MAZ: variants seen among roughly 807,000 people sequenced by gnomAD.
MAZ encodes the protein MYC associated zinc finger protein, also known as myc-associated zinc finger protein.
In MAZ, 4 loss-of-function variants were observed where a neutral mutation model predicts 32.7. That is an observed-to-expected ratio of 0.12 (90% CI 0.06 to 0.28). The LOEUF is 0.28. Ranked by LOEUF, MAZ falls within the 10% of genes least tolerant of loss-of-function variation. The probability of loss-of-function intolerance (pLI) is 1.00; values close to 1 mark genes in which losing one functional copy is unlikely to be tolerated. For missense variants in MAZ, 763 were observed against 667.2 expected (o/e 1.14, Z -1.58); for synonymous variants, 510 against 297.6 (o/e 1.71, Z -7.35).
chr16:29,806,804 CA>C lies in MAZ; in HGVS notation c.104del (p.Gln35ArgfsTer93). On this transcript the variant is annotated frameshift_variant, in exon 1 of 5. Transcript: ENST00000322945. LOFTEE classifies it high-confidence loss of function. ...GGLMNSFPPP[Q>X]GHAQNPLQVG... Reference sequence around the variant, plus strand: ...CCTCATGAACTCCTTCCCGCCACCTCAGGGTCACGCCCAGAACCCCCTGCAG... The same window carrying C: ...CCTCATGAACTCCTTCCCGCCACCTCGGGTCACGCCCAGAACCCCCTGCAG... The C allele has an allele frequency of 7.0e-7, 1 of 1,438,648 alleles. No homozygotes were observed. Among genetic ancestry groups the C allele is most frequent in the Non-Finnish European group, 9.2e-7 (1 of 1,089,466 alleles). The allele number at this position is 1,438,648 out of a possible 1,614,324, so 89.1% of individuals were successfully genotyped here. A position where few individuals can be genotyped will look rare whatever the true frequency, so the allele number is the denominator to read the frequency against.
intron 2 of MAZ, 158 bp downstream of exon 2, chr16:29,807,986 G>A (rs770771376): frequency 1.8e-5 from 24 of 1,356,856 alleles, no homozygotes; most frequent in Middle Eastern, 4.0e-4. Context: ...GGTTACCAGG[G>A]AGCAAGGGGT....
In MAZ at chr16:29,808,686, C is replaced by G. The variant is rs201080187; in HGVS notation, c.1224C>G (p.Asp408Glu). 2.9e-5 allele frequency: 46 copies of G among 1,614,020 alleles called. 1 individual carries two copies. The highest frequency in any genetic ancestry group is 2.5e-6 in the Non-Finnish European group (3 of 1,180,012). The change falls in exon 4 of 5, where the codon GAC becomes GAG. Residue 408 changes from aspartate (D) to glutamate (E), a missense_variant. Transcript: ENST00000322945. ...TGCTGAGCTCGGCTTATATTTCGGA[C>G]CACATGAAGGTGCACAGCCAGGGTC... ...GKMLSSAYIS[D>E]HMKVHSQGPH...
intron 4 of MAZ, chr16:29,809,695 GC>G (rs34942081): frequency 3.7e-5 from 55 of 1,506,152 alleles, no homozygotes; most frequent in Admixed American, 8.6e-5. Flanking sequence ...GGGGGGGGCC[GC>G]CCCCCCTGTC....
At chr16:29,806,210 CCCTGCCCACACCCCCT>C (rs1208891361), upstream of MAZ, 3 of 377,618 alleles carry the variant, frequency 7.9e-6, no homozygotes, top group South Asian at 2.5e-5. Flanking sequence ...GCCCCCACCC[CCCTGCCCACACCCCCT>C]CCTGCCCGCC....
rs150303738 is a variant in MAZ, at chr16:29,807,852, C to T, written c.1043+24C>T. On this transcript the variant is annotated intron_variant, in intron 2 of 4. Transcript: ENST00000322945. The stretch of plus-strand genomic sequence containing the variant: ...CGGTGTGCACGGGGCCTCGGCCGCC[C>T]GCTAGGCCGTGGGGAGGGAGGGACG... The T allele has an allele frequency of 5.6e-6, 9 of 1,593,758 alleles. No homozygotes were observed. The African/African-American group carries it at 1.1e-4, about 19-fold the overall frequency.
At chr16:29,809,463 C>T (rs1378836113) in intron 4 of MAZ, 3 of 917,904 alleles carry the variant, frequency 3.3e-6, no homozygotes, top group African/African-American at 3.3e-5. Context: ...AGGGCATCCC[C>T]CGCCTAGGAG....
At position 29,807,738 on chromosome 16, in the gene MAZ, G is replaced by C; in HGVS notation, c.953G>C (p.Arg318Pro). The part of the protein sequence containing the change: ...QCPVCQQRFK[R>P]KDRMSYHVRS... ...CCGGTGTGCCAGCAGCGCTTCAAGC[G>C]CAAGGACCGCATGAGCTACCACGTG... Residue 318 changes from arginine to proline, a missense_variant, in exon 2 of 5, where the codon CGC (arginine) becomes CCC (proline). Physicochemically the swap from Arg to Pro is moderately radical, Grantham distance 103. Coordinates refer to ENST00000322945, the MANE Select transcript of MAZ (RefSeq NM_002383.4). 1 of 1,612,776 alleles carries C rather than the reference G, an allele frequency of 6.2e-7. No individual in the cohort carries two copies. Among genetic ancestry groups the C allele is most frequent in the Non-Finnish European group, 8.5e-7 (1 of 1,179,970 alleles).
In MAZ at chr16:29,807,106, C is replaced by A. The variant is rs569075875; in HGVS notation, c.321C>A (p.Ala107=). The A allele has an allele frequency of 1.0e-6, 1 of 1,000,828 alleles. No individual in the cohort carries two copies. Among genetic ancestry groups the A allele is most frequent in the Non-Finnish European group, 1.2e-6 (1 of 829,582 alleles). The allele number at this position is 1,000,828 out of a possible 1,614,324, so 62.0% of individuals were successfully genotyped here. ...CTGCGGCCGCTGCCGCCGCTGCTGC[C>A]GCCGTCGCTGCCGCGCCCCCGGCCC... is the stretch of plus-strand genomic sequence containing the variant. The part of the protein sequence containing the change: ...AAAAAAAAAA[A]AVAAAPPAPA... The change falls in exon 2 of 5, where the codon GCC becomes GCA. Residue 107 remains alanine, a synonymous_variant. Transcript: ENST00000322945.
chr16:29,810,059 G>C lies in MAZ; in HGVS notation c.1280-18G>C. 3 of 1,597,052 alleles carry C rather than the reference G, an allele frequency of 1.9e-6. No homozygotes were observed. Among genetic ancestry groups the C allele is most frequent in the Non-Finnish European group, 1.7e-6 (2 of 1,170,572 alleles). ...CCATTCAGATCGCGCTGTGATCCGT[G>C]GTGTTTCTCCTGTGCAGGTACTGGT... On this transcript the variant is annotated intron_variant, in intron 4 of 4. Coordinates refer to ENST00000322945, the MANE Select transcript of MAZ (RefSeq NM_002383.4).
In MAZ at chr16:29,808,602, G is replaced by A. The variant is rs1290897211; in HGVS notation, c.1140G>A (p.Arg380=). 4.3e-6 allele frequency: 7 copies of A among 1,613,168 alleles called. No individual in the cohort carries two copies. The highest frequency in any genetic ancestry group is 1.3e-5 in the African/African-American group (1 of 74,874). ...KCEAAFATKD[R]LRAHTVRHEE... The stretch of plus-strand genomic sequence containing the variant: ...AGGCAGCTTTCGCCACGAAGGATCG[G>A]CTGCGGGCGCACACAGTACGACACG... Residue 380 remains arginine (R), a synonymous_variant, in exon 4 of 5, where the codon CGG becomes CGA. Transcript: ENST00000322945.
intron 4 of MAZ, 112 bp downstream of exon 4, chr16:29,808,853 G>C: frequency 1.8e-6 from 2 of 1,082,324 alleles, no homozygotes; most frequent in South Asian, 3.1e-5. Flanking sequence ...GTGGCGTCTA[G>C]ATTCCTACAA....
chr16:29,807,685 G>A lies in MAZ; in HGVS notation c.900G>A (p.Ser300=), dbSNP rs376671484. ...ACCACCTGAACCGACACAAGCTGTC[G>A]CACTCGGACGAGAAGCCCTACCAGT... The part of the protein sequence containing the change: ...DVYHLNRHKL[S]HSDEKPYQCP... Residue 300 remains serine, a synonymous_variant, in exon 2 of 5, where the codon TCG becomes TCA. Coordinates refer to ENST00000322945, the MANE Select transcript of MAZ (RefSeq NM_002383.4). 10 of 1,612,834 alleles carry A rather than the reference G, an allele frequency of 6.2e-6. No homozygotes were observed. The African/African-American group carries it at 9.3e-5, about 15-fold the overall frequency.
At position 29,807,307 on chromosome 16, in the gene MAZ, C is replaced by A; in HGVS notation, c.522C>A (p.Ala174=). ...CCCCAACCTCGACGGTCGCCGTGGC[C>A]CCGGTCGCGTCTGCCTTGGAGAAGA... The part of the protein sequence containing the change: ...VVAPTSTVAV[A]PVASALEKKT... The change falls in exon 2 of 5, where the codon GCC becomes GCA. Residue 174 remains alanine, a synonymous_variant. Transcript: ENST00000322945. 6.3e-7 allele frequency: 1 copy of A among 1,586,120 alleles called. No homozygotes were observed.
chr16:29,806,924 T>A (rs776747054), intron 1 of MAZ, 31 bp downstream of exon 1: 1 of 1,242,286 alleles, frequency 8.0e-7, no homozygotes, highest in Admixed American at 3.8e-5. Flanking sequence ...CGGCCCGGGC[T>A]GGGGGGGGAC....
Position 29,810,105 on chromosome 16 carries a change from G to C in MAZ, c.1308G>C (p.Ala436=), listed in dbSNP as rs532656391. Residue 436 remains alanine, a synonymous_variant, in exon 5 of 5, where the codon GCG becomes GCC. Coordinates refer to ENST00000322945, the MANE Select transcript of MAZ (RefSeq NM_002383.4). ...KGTGEVCPMA[A]AAAAAAAAAA... ...CTGGTGAGGTTTGTCCAATGGCGGC[G>C]GCAGCGGCAGCGGCGGCAGCGGCAG... The C allele has an allele frequency of 1.3e-6, 2 of 1,554,194 alleles. No homozygotes were observed. The highest frequency in any genetic ancestry group is 8.8e-7 in the Non-Finnish European group (1 of 1,141,268).
Position 29,810,661 on chromosome 16 carries a change from C to T in MAZ, c.*430C>T, listed in dbSNP as rs1471579465. ...CCCCGGGGAGTTGGTGCTTTCTTTTCCTTTTTTTTTTTTTTCCAGGGGGAG... is the reference window on the plus strand; with the variant it reads ...CCCCGGGGAGTTGGTGCTTTCTTTTTCTTTTTTTTTTTTTTCCAGGGGGAG... On this transcript the variant is annotated 3_prime_UTR_variant, in exon 5 of 5. Transcript: ENST00000322945. The T allele has an allele frequency of 3.7e-6, 2 of 533,754 alleles. No homozygotes were observed. Among genetic ancestry groups the T allele is most frequent in the Non-Finnish European group, 6.7e-6 (2 of 298,820 alleles). The allele number at this position is 533,754 out of a possible 1,614,324, so 33.1% of individuals were successfully genotyped here. A position where few individuals can be genotyped will look rare whatever the true frequency, so the allele number is the denominator to read the frequency against.
intron 4 of MAZ, chr16:29,809,651 C>G: frequency 5.0e-6 from 8 of 1,590,262 alleles, no homozygotes; most frequent in Non-Finnish European, 6.9e-6. Context: ...TGCAAGACCC[C>G]TGCCCAGCTG....
chr16:29,810,968 G>T lies in MAZ; in HGVS notation c.*737G>T, dbSNP rs1218931088. On this transcript the variant is annotated 3_prime_UTR_variant, in exon 5 of 5. Coordinates refer to ENST00000322945, the MANE Select transcript of MAZ (RefSeq NM_002383.4). ...CTAGAGGTGCTTCCTGGGGGCGGGG[G>T]AATGCAGCCAGTGTCCCCCTCCCCT... The T allele has an allele frequency of 4.7e-6, 2 of 424,566 alleles. No individual in the cohort carries two copies. The highest frequency in any genetic ancestry group is 2.0e-5 in the African/African-American group (1 of 49,144). 26.3% of individuals were successfully genotyped at this position (424,566 alleles called of 1,614,324 possible).
rs1323515779 is a variant in MAZ at position 29,810,566 on chromosome 16, TTG to T, written c.*338_*339del. On this transcript the variant is annotated 3_prime_UTR_variant, in exon 5 of 5. Transcript: ENST00000322945. ...GCCCATGCCCTGTCTTCCCAGGGAC[TTG>T]TGAGCCTCTTCCCTCGACGGTCCTC... 4.3e-6 allele frequency: 3 copies of T among 698,480 alleles called. No homozygotes were observed. Among genetic ancestry groups the T allele is most frequent in the African/African-American group, 1.8e-5 (1 of 57,028 alleles). 43.3% of individuals were successfully genotyped at this position (698,480 alleles called of 1,614,324 possible).
Sources: allele counts gnomAD v4.1 joint callset, GRCh38; gene constraint gnomAD v4.1.1; transcripts MANE v1.5; gene names NCBI Gene and HGNC (gene_info 2026-07-23, HGNC 2026-07-21).